The following OTOGL variants were observed in gnomAD, a reference collection of about 807,000 sequenced individuals.
OTOGL encodes the protein otogelin-like protein.
In OTOGL, 285 loss-of-function variants were observed where a neutral mutation model predicts 318.5. The observed-to-expected ratio is 0.89, with a 90% CI of 0.81 to 0.99. OTOGL has a LOEUF of 0.99. Ranked by LOEUF, OTOGL falls within the 50% of genes least tolerant of loss-of-function variation. The probability of loss-of-function intolerance (pLI) is 0.00; values close to 1 mark genes in which losing one functional copy is unlikely to be tolerated. For missense variants in OTOGL, 2,899 were observed against 2,845.6 expected (o/e 1.02, Z -0.43); for synonymous variants, 987 against 936.5 (o/e 1.05, Z -0.99).
chr12:80,322,275 C>A (rs983879125), intron 34 of OTOGL, among the ~76,000 whole-genome samples: 2 of 152,156 alleles, frequency 1.3e-5, no homozygotes, highest in Admixed American at 1.3e-4. Flanking sequence ...GTTTACCTAC[C>A]GTTGACCTTT....
chr12:80,355,855 T>G lies in OTOGL; in HGVS notation c.5713T>G (p.Cys1905Gly). The G allele has an allele frequency of 6.2e-7, 1 of 1,613,920 alleles. No homozygotes were observed. Among genetic ancestry groups the G allele is most frequent in the Middle Eastern group, 1.7e-4 (1 of 6,060 alleles). Residue 1905 changes from cysteine to glycine, a missense_variant, in exon 47 of 59, where the codon TGT becomes GGT. Cys to Gly is a radical substitution (Grantham distance 159). Transcript: ENST00000547103. ...AAGCATTATCCCTATAGAACCTGACTGTGATGAAGAGCCCACGCCAGTTTG... is the reference window on the plus strand; with the variant it reads ...AAGCATTATCCCTATAGAACCTGACGGTGATGAAGAGCCCACGCCAGTTTG... ...NGSIIPIEPD[C>G]DEEPTPVCER...
At chr12:80,142,203 G>A (rs1027594557) in intron 1 of OTOGL, among the ~76,000 whole-genome samples, 7 of 152,132 alleles carry the variant, frequency 4.6e-5, no homozygotes, top group Non-Finnish European at 8.8e-5. Context: ...AAGTTTTCTA[G>A]CTAAAACAAA....
intron 48 of OTOGL, 117 bp from the exon 49 acceptor site, chr12:80,356,690 A>G (rs1012610486): frequency 4.5e-5 from 29 of 643,554 alleles, no homozygotes; most frequent in Middle Eastern, 4.4e-4. Flanking sequence ...ATGTATATAT[A>G]TATATGATTA....
chr12:80,343,524 T>TC (rs1888951903), intron 44 of OTOGL: 1 of 133,206 alleles, frequency 7.5e-6, no homozygotes, highest in African/African-American at 3.0e-5. Context: ...TTTTTTTTTT[T>TC]TTTTTTTTTT....
At chr12:80,194,048 A>G (rs933608461) in intron 1 of OTOGL, among the ~76,000 whole-genome samples, 7 of 151,968 alleles carry the variant, frequency 4.6e-5, no homozygotes, top group African/African-American at 1.7e-4. Context: ...AACAACACTG[A>G]TTTTCTTTTG....
chr12:80,265,182 T>A lies in OTOGL; in HGVS notation c.2196T>A (p.Ile732=). The A allele has an allele frequency of 6.2e-7, 1 of 1,613,776 alleles. No individual in the cohort carries two copies. The change falls in exon 20 of 59, where the codon ATT becomes ATA. Residue 732 remains isoleucine (I), a synonymous_variant. Coordinates refer to ENST00000547103, the MANE Select transcript of OTOGL (RefSeq NM_001378609.3). ...AYLCGQHGVP[I]DFRTQISFCA... is the part of the protein sequence containing the mutation. ...TCTGCGGCCAGCACGGTGTTCCCATTGATTTCAGAACTCAGATTTCTTTCT... is the reference window on the plus strand; with the variant it reads ...TCTGCGGCCAGCACGGTGTTCCCATAGATTTCAGAACTCAGATTTCTTTCT...
chr12:80,125,082 G>C (rs545550133), intron 1 of OTOGL, among the ~76,000 whole-genome samples: 1 of 152,200 alleles, frequency 6.6e-6, no homozygotes, highest in Non-Finnish European at 1.5e-5. Context: ...ATATTGAATA[G>C]GAGTGGTGAG....
At chr12:80,289,634 C>G (rs2137672176) in intron 26 of OTOGL, among the ~76,000 whole-genome samples, 1 of 152,328 alleles carries the variant, frequency 6.6e-6, no homozygotes, top group East Asian at 1.9e-4. Context: ...GCCACAGCCA[C>G]TTTGCCACGC....
chr12:80,266,677 A>T, intron 21 of OTOGL, 61 bp downstream of exon 21: 1 of 1,462,696 alleles, frequency 6.8e-7, no homozygotes, highest in African/African-American at 1.4e-5. Context: ...CTTACGGGCT[A>T]AATGAGCTTT....
Position 80,305,638 on chromosome 12 carries a change from T to G in OTOGL, c.3276T>G (p.Ser1092=). The G allele has an allele frequency of 6.3e-7, 1 of 1,584,446 alleles. No homozygotes were observed. Among genetic ancestry groups the G allele is most frequent in the Non-Finnish European group, 8.5e-7 (1 of 1,174,018 alleles). The change falls in exon 29 of 59, where the codon TCT becomes TCG. Residue 1092 remains serine (S), a synonymous_variant. Coordinates refer to ENST00000547103, the MANE Select transcript of OTOGL (RefSeq NM_001378609.3). ...GCACTTCAAATGATATGACCACATC[T>G]AATAACTTGGAAGTGAGAAATGCTC... The part of the protein sequence containing the change: ...DKCTSNDMTT[S]NNLEVRNARV...
chr12:80,176,010 G>A (rs867889151), intron 1 of OTOGL, among the ~76,000 whole-genome samples: 9 of 152,106 alleles, frequency 5.9e-5, no homozygotes, highest in East Asian at 1.9e-4. Flanking sequence ...ACTACTCTTC[G>A]TTAAAGGAGA....
chr12:80,301,619 C>T (rs932742613), intron 27 of OTOGL, among the ~76,000 whole-genome samples: 1 of 152,198 alleles, frequency 6.6e-6, no homozygotes, highest in African/African-American at 2.4e-5. Context: ...TCTCCATTCT[C>T]ATTCCCAAAC....
At chr12:80,367,478 T>C (rs1890614516) in intron 53 of OTOGL, 83 bp from the exon 54 acceptor site, 1 of 1,103,770 alleles carries the variant, frequency 9.1e-7, no homozygotes, top group African/African-American at 1.7e-5. Context: ...AATGAAAACA[T>C]AGACTCAAAT....
chr12:80,136,668 C>T lies in OTOGL; in HGVS notation c.-20+37063C>T, dbSNP rs375679032. On this transcript the variant is annotated intron_variant, in intron 1 of 58. Coordinates refer to ENST00000547103, the MANE Select transcript of OTOGL (RefSeq NM_001378609.3). ...AATTTCTCTAGGCAGCTGTGAACAA[C>T]GGTATAGGTCTTTTTCAAATGTCTC... Among the ~76,000 whole-genome samples, 24 of 152,198 alleles carry T rather than the reference C, an allele frequency of 1.6e-4. 1 individual carries two copies. The highest frequency in any genetic ancestry group is 3.6e-4 in the African/African-American group (15 of 41,544).
chr12:80,252,387 T>A (rs1403843215), intron 13 of OTOGL, among the ~76,000 whole-genome samples, 186 bp downstream of exon 13: 4 of 152,218 alleles, frequency 2.6e-5, no homozygotes, highest in African/African-American at 9.6e-5. Flanking sequence ...AAAAGGCTCA[T>A]TACTTTGTAA....
chr12:80,192,812 G>C (rs563793751), intron 1 of OTOGL, among the ~76,000 whole-genome samples: 40 of 152,244 alleles, frequency 2.6e-4, no homozygotes, highest in African/African-American at 9.6e-4. Context: ...GTAAGTGGTT[G>C]TTAGAAATCA....
chr12:80,145,046 A>C (rs1397623993), intron 1 of OTOGL, among the ~76,000 whole-genome samples: 2 of 151,464 alleles, frequency 1.3e-5, no homozygotes, highest in East Asian at 3.9e-4. Context: ...GCTGTACAGA[A>C]GCTCTTTAGT....
chr12:80,104,521 T>C (rs535211088), intron 1 of OTOGL, among the ~76,000 whole-genome samples: 11 of 152,286 alleles, frequency 7.2e-5, no homozygotes, highest in Non-Finnish European at 1.5e-4. Flanking sequence ...GTGCCAAGGA[T>C]ACACTTAATA....
chr12:80,304,057 A>C (rs530611201), intron 28 of OTOGL, among the ~76,000 whole-genome samples: 1 of 152,180 alleles, frequency 6.6e-6, no homozygotes, highest in Admixed American at 6.5e-5. Context: ...TCTTTCTCAG[A>C]TATCATATAA....
Sources: gnomAD v4.1 joint callset for allele counts (sites outside exome capture counted in the v4.1 genomes callset) on GRCh38, gnomAD v4.1.1 for gene constraint, MANE v1.5 for transcripts, NCBI Gene and HGNC (gene_info 2026-07-23, HGNC 2026-07-21) for gene names.